TMED10: variants seen among roughly 807,000 people sequenced by gnomAD.
The protein encoded by TMED10 is transmembrane p24 trafficking protein 10.
In TMED10, 7 loss-of-function variants were observed where a neutral mutation model predicts 23.1. That is an observed-to-expected ratio of 0.30 (90% CI 0.17 to 0.57). The LOEUF (loss-of-function observed/expected upper bound fraction) is 0.57, where lower values mean the gene tolerates loss of function less well. Ranked by LOEUF, TMED10 falls within the 20% of genes least tolerant of loss-of-function variation. The pLI, the probability that TMED10 is intolerant of heterozygous loss-of-function variation, is 0.91. For synonymous variants in TMED10, 113 were observed against 106.9 expected (o/e 1.06, Z -0.35); for missense variants, 162 against 274.8 (o/e 0.59, Z 2.90).
At position 75,133,884 on chromosome 14, in the gene TMED10, C is replaced by A; in HGVS notation, c.*1001G>T. 3.1e-6 allele frequency: 1 copy of A among 324,838 alleles called. No homozygotes were observed. The highest frequency in any genetic ancestry group is 5.8e-6 in the Non-Finnish European group (1 of 171,322). 20.1% of individuals were successfully genotyped at this position (324,838 alleles called of 1,614,324 possible). ...CATGTAAGAAATCTGTACTTATACC[C>A]CCTAAATATATAAAACATTTTTAAA... On this transcript the variant is annotated 3_prime_UTR_variant, in exon 5 of 5. Transcript: ENST00000303575.
At chr14:75,170,375 A>T (rs1363875764) in intron 1 of TMED10, among the ~76,000 whole-genome samples, 1 of 152,248 alleles carries the variant, frequency 6.6e-6, no homozygotes, top group Non-Finnish European at 1.5e-5. Context: ...GTCTCCAAAT[A>T]CCAATCCCCA....
rs957631507 is a variant in TMED10, at chr14:75,134,747, C to T, written c.*138G>A. The stretch of plus-strand genomic sequence containing the variant: ...GTAGGTGGTACCCCATGTCCTCCCA[C>T]ACCAAAAGAGATCAGTTCTGGCAAG... On this transcript the variant is annotated 3_prime_UTR_variant, in exon 5 of 5. Transcript: ENST00000303575. 1 of 1,191,120 alleles carries T rather than the reference C, an allele frequency of 8.4e-7. No homozygotes were observed. The highest frequency in any genetic ancestry group is 1.2e-6 in the Non-Finnish European group (1 of 842,518). 73.8% of individuals were successfully genotyped at this position (1,191,120 alleles called of 1,614,324 possible). A position where few individuals can be genotyped will look rare whatever the true frequency, so the allele number is the denominator to read the frequency against.
At chr14:75,155,333 G>C (rs1223676285) in intron 1 of TMED10, among the ~76,000 whole-genome samples, 1 of 152,204 alleles carries the variant, frequency 6.6e-6, no homozygotes, top group Non-Finnish European at 1.5e-5. Context: ...GATAGTTCCT[G>C]TCTTCAAAGG....
Position 75,133,771 on chromosome 14 carries a change from G to T in TMED10, c.*1114C>A. 1 of 202,196 alleles carries T rather than the reference G, an allele frequency of 4.9e-6. No individual in the cohort carries two copies. Among genetic ancestry groups the T allele is most frequent in the South Asian group, 6.5e-5 (1 of 15,306 alleles). 12.5% of individuals were successfully genotyped at this position (202,196 alleles called of 1,614,324 possible). On this transcript the variant is annotated 3_prime_UTR_variant, in exon 5 of 5. Transcript: ENST00000303575. The stretch of plus-strand genomic sequence containing the variant: ...TCTTATGTCCTTTAGTGGGTGAATG[G>T]TTAAGCAAACTGTGGTACATCCATA...
In TMED10 at chr14:75,131,566, A is replaced by G. The variant is rs1895685264; in HGVS notation, c.*3319T>C. On this transcript the variant is annotated 3_prime_UTR_variant, in exon 5 of 5. Transcript: ENST00000303575. ...ATAAATCCCATATGCCTCTTTCCCA[A>G]ACAAACCAAGAAATGGCTTTATGAC... is the stretch of plus-strand genomic sequence containing the variant. 1 of 152,632 alleles carries G rather than the reference A, an allele frequency of 6.6e-6. No individual in the cohort carries two copies. Among genetic ancestry groups the G allele is most frequent in the African/African-American group, 2.4e-5 (1 of 41,454 alleles). 9.5% of individuals were successfully genotyped at this position (152,632 alleles called of 1,614,324 possible). A position where few individuals can be genotyped will look rare whatever the true frequency, so the allele number is the denominator to read the frequency against.
chr14:75,159,708 A>C (rs2139850321), intron 1 of TMED10, among the ~76,000 whole-genome samples: 1 of 152,352 alleles, frequency 6.6e-6, no homozygotes, highest in South Asian at 2.1e-4. Context: ...AAATGAATTA[A>C]GAAATCTGCT....
chr14:75,146,073 CTCAAGT>C, intron 3 of TMED10, among the ~76,000 whole-genome samples: 1 of 152,206 alleles, frequency 6.6e-6, no homozygotes, highest in East Asian at 1.9e-4. Context: ...TTTCAATTTA[CTCAAGT>C]TCATCAAATA....
chr14:75,162,753 T>C (rs1896100133), intron 1 of TMED10, among the ~76,000 whole-genome samples: 1 of 152,080 alleles, frequency 6.6e-6, no homozygotes, highest in Non-Finnish European at 1.5e-5. Context: ...TGACAAATCA[T>C]GTTGATATGA....
chr14:75,146,161 T>C (rs979455668), intron 3 of TMED10, among the ~76,000 whole-genome samples: 3 of 152,246 alleles, frequency 2.0e-5, no homozygotes, highest in African/African-American at 7.2e-5. Context: ...GAAAATTCTC[T>C]ACCGGAAACT....
intron 1 of TMED10, among the ~76,000 whole-genome samples, chr14:75,165,227 TTTTC>T (rs1248943575): frequency 1.3e-5 from 2 of 152,082 alleles, no homozygotes; most frequent in South Asian, 2.1e-4. Flanking sequence ...AACATGTTCT[TTTTC>T]TTTCTTTCTT....
chr14:75,160,438 C>CTAAAAGATCTAA (rs1896072335), intron 1 of TMED10, among the ~76,000 whole-genome samples: 3 of 151,972 alleles, frequency 2.0e-5, no homozygotes, highest in South Asian at 2.1e-4. Context: ...GTTCTAATTA[C>CTAAAAGATCTAA]AGATCACCTT....
intron 1 of TMED10, among the ~76,000 whole-genome samples, chr14:75,168,858 G>A (rs1021227846): frequency 1.6e-4 from 25 of 152,322 alleles, no homozygotes; most frequent in Middle Eastern, 6.8e-3. Flanking sequence ...CATGAAAAGT[G>A]CCATGTAAAA....
intron 2 of TMED10, among the ~76,000 whole-genome samples, chr14:75,148,455 G>A (rs974677547): frequency 3.3e-5 from 5 of 151,316 alleles, no homozygotes; most frequent in African/African-American, 1.2e-4. Context: ...TCTTATAATA[G>A]AGTTCATGTT....
At chr14:75,149,931 C>T (rs1490139031) in intron 2 of TMED10, among the ~76,000 whole-genome samples, 2 of 152,108 alleles carry the variant, frequency 1.3e-5, no homozygotes, top group Non-Finnish European at 2.9e-5. Flanking sequence ...TGATGAAACC[C>T]GTCTCTACTA....
At chr14:75,149,114 G>A (rs978499592) in intron 2 of TMED10, among the ~76,000 whole-genome samples, 2 of 152,074 alleles carry the variant, frequency 1.3e-5, no homozygotes, top group African/African-American at 4.8e-5. Flanking sequence ...ACAGGGTCTC[G>A]CTATACTGTC....
At chr14:75,146,478 ACTC>A (rs918683856) in intron 3 of TMED10, among the ~76,000 whole-genome samples, 2 of 151,720 alleles carry the variant, frequency 1.3e-5, no homozygotes, top group African/African-American at 2.4e-5. Flanking sequence ...CCTGTACCCC[ACTC>A]CTCCTTCATG....
chr14:75,151,206 G>GT (rs1007698729), intron 2 of TMED10, among the ~76,000 whole-genome samples: 9 of 148,688 alleles, frequency 6.1e-5, no homozygotes, highest in Admixed American at 4.7e-4. Context: ...CGCCCGGCCA[G>GT]TTTTTTTTGT....
chr14:75,135,684 G>A, intron 4 of TMED10, 76 bp downstream of exon 4: 4 of 1,574,052 alleles, frequency 2.5e-6, no homozygotes, highest in Non-Finnish European at 3.4e-6. Flanking sequence ...TGAGAAAAGG[G>A]TACACCAGAA....
chr14:75,175,192 T>C (rs534732517), intron 1 of TMED10, among the ~76,000 whole-genome samples: 1 of 152,084 alleles, frequency 6.6e-6, no homozygotes, highest in Non-Finnish European at 1.5e-5. Flanking sequence ...TATCAAATTA[T>C]ATTAATGTCT....
Sources: gnomAD v4.1 joint callset for allele counts (sites outside exome capture counted in the v4.1 genomes callset) on GRCh38, gnomAD v4.1.1 for gene constraint, MANE v1.5 for transcripts, NCBI Gene and HGNC (gene_info 2026-07-23, HGNC 2026-07-21) for gene names.